CBLB: variants seen among roughly 807,000 people sequenced by gnomAD.
CBLB encodes Cbl proto-oncogene B.
In CBLB, 31 loss-of-function variants were observed where a neutral mutation model predicts 104.9. The observed-to-expected ratio is 0.30, with a 90% confidence interval of 0.22 to 0.40. The LOEUF is 0.40. Ranked by LOEUF, CBLB falls within the 10% of genes least tolerant of loss-of-function variation. The pLI is 1.00. For missense variants in CBLB, 1,062 were observed against 1,214.6 expected (o/e 0.87, Z 1.87); for synonymous variants, 440 against 422.6 (o/e 1.04, Z -0.51).
intron 3 of CBLB, among the ~76,000 whole-genome samples, chr3:105,828,625 T>C (rs1291284419): frequency 6.6e-6 from 1 of 152,116 alleles, no homozygotes; most frequent in African/African-American, 2.4e-5. Context: ...TAGCATAAAA[T>C]AGAAAAGAAA....
chr3:105,787,465 A>G (rs2081157733), intron 3 of CBLB, among the ~76,000 whole-genome samples: 1 of 152,188 alleles, frequency 6.6e-6, no homozygotes, highest in Non-Finnish European at 1.5e-5. Flanking sequence ...GTTGTGGTAC[A>G]TACGTTCTAT....
chr3:105,749,508 G>A (rs2301034), intron 5 of CBLB: 10,496 of 153,178 alleles, frequency 0.069, 521 homozygotes, highest in Admixed American at 0.15. Context: ...TTAGGTAATC[G>A]TTTAACCAAC....
At chr3:105,786,066 G>GGGGT (rs1553794756) in intron 3 of CBLB, among the ~76,000 whole-genome samples, 7 of 145,770 alleles carry the variant, frequency 4.8e-5, no homozygotes, top group African/African-American at 1.0e-4. Flanking sequence ...AGGATCGGGG[G>GGGGT]GGGGAAAGTG....
At chr3:105,751,331 G>C (rs2076569977) in intron 5 of CBLB, 131 bp downstream of exon 5, 1 of 747,052 alleles carries the variant, frequency 1.3e-6, no homozygotes, top group East Asian at 2.7e-5. Flanking sequence ...AGACTAATAG[G>C]AATGACACTA....
intron 3 of CBLB, among the ~76,000 whole-genome samples, chr3:105,835,267 C>G (rs2088284816): frequency 6.6e-6 from 1 of 152,124 alleles, no homozygotes; most frequent in African/African-American, 2.4e-5. Context: ...ACTTTGAAGT[C>G]AGATTTCTCA....
chr3:105,743,970 T>C (rs865851885), intron 6 of CBLB, among the ~76,000 whole-genome samples: 7 of 152,146 alleles, frequency 4.6e-5, no homozygotes, highest in South Asian at 2.1e-4. Flanking sequence ...AGGACATTAT[T>C]CTAGTTTTTT....
intron 10 of CBLB, among the ~76,000 whole-genome samples, chr3:105,719,607 T>C (rs942404052): frequency 3.3e-5 from 5 of 152,194 alleles, no homozygotes; most frequent in Admixed American, 6.5e-5. Flanking sequence ...GTGCAGCTGG[T>C]TGCATAAAAG....
At chr3:105,744,691 G>A (rs2075935572) in intron 6 of CBLB, among the ~76,000 whole-genome samples, 1 of 152,040 alleles carries the variant, frequency 6.6e-6, no homozygotes, top group African/African-American at 2.4e-5. Flanking sequence ...CAGCACTTTG[G>A]GAGACCAAGG....
chr3:105,820,301 C>T (rs1443994234), intron 3 of CBLB, among the ~76,000 whole-genome samples: 3 of 152,164 alleles, frequency 2.0e-5, no homozygotes, highest in African/African-American at 7.2e-5. Context: ...TGCCTTCATT[C>T]GCCCACCACT....
Position 105,780,653 on chromosome 3 carries a change from G to GTTTTTTTTT in CBLB, c.420-4112_420-4111insAAAAAAAAA, listed in dbSNP as rs1245925965. Reference sequence around the variant, plus strand: ...TAAATAATTTTACAATAAAAGTTTTGTTTTTTGTTTTTTTTTTTTTTTTTT... The same window carrying GTTTTTTTTT: ...TAAATAATTTTACAATAAAAGTTTTGTTTTTTTTTTTTTTTGTTTTTTTTTTTTTTTTTT... On this transcript the variant is annotated intron_variant, in intron 3 of 18. Coordinates refer to ENST00000394030, the MANE Select transcript of CBLB (RefSeq NM_170662.5). Among the ~76,000 whole-genome samples, 109 of 84,674 alleles carry GTTTTTTTTT rather than the reference G, an allele frequency of 1.3e-3. 1 individual carries two copies. Among genetic ancestry groups the GTTTTTTTTT allele is most frequent in the Admixed American group, 4.8e-3 (37 of 7,632 alleles). 55.5% of individuals were successfully genotyped at this position (84,674 alleles called of 152,430 possible).
intron 3 of CBLB, among the ~76,000 whole-genome samples, chr3:105,840,921 A>G (rs956293794): frequency 6.6e-6 from 1 of 152,054 alleles, no homozygotes; most frequent in Non-Finnish European, 1.5e-5. Context: ...TTAAAGGATA[A>G]TGAGCTTGAA....
upstream of CBLB, chr3:105,869,201 C>CA: frequency 1.6e-6 from 1 of 627,722 alleles, no homozygotes; most frequent in Non-Finnish European, 2.7e-6. Flanking sequence ...ACAATGGCCC[C>CA]AGAGGAAGGC....
intron 18 of CBLB, among the ~76,000 whole-genome samples, chr3:105,669,917 T>C (rs2064885425): frequency 6.6e-6 from 1 of 152,158 alleles, no homozygotes; most frequent in African/African-American, 2.4e-5. Flanking sequence ...CATTGCAATG[T>C]ACAAAGAGAT....
At chr3:105,800,647 T>C (rs1331507654) in intron 3 of CBLB, among the ~76,000 whole-genome samples, 1 of 152,066 alleles carries the variant, frequency 6.6e-6, no homozygotes, top group Non-Finnish European at 1.5e-5. Context: ...TAGAATTACA[T>C]AAAAATTTCT....
chr3:105,788,118 A>G lies in CBLB; in HGVS notation c.420-11576T>C, dbSNP rs145110156. 1.9e-4 allele frequency among the ~76,000 whole-genome samples: 29 copies of G among 152,324 alleles called. No homozygotes were observed. In the East Asian group the frequency reaches 4.8e-3, roughly 25 times the overall value. ...ATCAGATGTAAAAATTTTACCTTTC[A>G]TATCACCCAACAACTCAGAAATTTC... On this transcript the variant is annotated intron_variant, in intron 3 of 18. Coordinates refer to ENST00000394030, the MANE Select transcript of CBLB (RefSeq NM_170662.5).
At chr3:105,696,714 C>T (rs1443336445) in intron 12 of CBLB, among the ~76,000 whole-genome samples, 1 of 151,808 alleles carries the variant, frequency 6.6e-6, no homozygotes, top group Non-Finnish European at 1.5e-5. Flanking sequence ...CATTCCTCTG[C>T]CAGAAAAGAA....
intron 1 of CBLB, chr3:105,868,054 C>T (rs955376383): frequency 6.1e-6 from 3 of 495,504 alleles, no homozygotes; most frequent in Non-Finnish European, 6.7e-6. Flanking sequence ...TTAGATTTCT[C>T]CAAGTTACAT....
At chr3:105,858,787 C>T (rs2091847072) in intron 2 of CBLB, among the ~76,000 whole-genome samples, 1 of 152,258 alleles carries the variant, frequency 6.6e-6, no homozygotes, top group Non-Finnish European at 1.5e-5. Flanking sequence ...CTGCTCAGAA[C>T]CCTGATAGCT....
intron 2 of CBLB, among the ~76,000 whole-genome samples, chr3:105,865,023 C>T (rs1312956143): frequency 6.6e-6 from 1 of 152,114 alleles, no homozygotes; most frequent in Non-Finnish European, 1.5e-5. Context: ...TTGAAAATTG[C>T]TATTTTCTGT....
Sources: gnomAD v4.1 joint callset for allele counts (sites outside exome capture counted in the v4.1 genomes callset) on GRCh38, gnomAD v4.1.1 for gene constraint, MANE v1.5 for transcripts, NCBI Gene and HGNC (gene_info 2026-07-23, HGNC 2026-07-21) for gene names.